WNT1: variants seen among roughly 807,000 people sequenced by gnomAD.
The protein encoded by WNT1 is proto-oncogene Wnt-1.
In WNT1, 10 loss-of-function variants were observed where a neutral mutation model predicts 21.3. That is an observed-to-expected ratio of 0.47 (90% CI 0.29 to 0.80). The LOEUF (loss-of-function observed/expected upper bound fraction) is 0.80. WNT1 is among the 30% of genes least tolerant of loss of function. WNT1 has a pLI of 0.09. For synonymous variants in WNT1, 208 were observed against 236.3 expected, an observed-to-expected ratio of 0.88 and a Z score of 1.10; for missense variants, 476 against 534.1, an observed-to-expected ratio of 0.89 and a Z score of 1.07.
chr12:48,981,300 A>ACGGCAACCGCGG lies in WNT1; in HGVS notation c.775_786dup (p.Gly259_Gly262dup), dbSNP rs1261341768. 4 of 1,587,596 alleles carry ACGGCAACCGCGG rather than the reference A, an allele frequency of 2.5e-6. No individual in the cohort carries two copies. The highest frequency in any genetic ancestry group is 1.1e-5 in the South Asian group (1 of 88,822). On this transcript the variant is annotated inframe_insertion, in exon 4 of 4. Transcript: ENST00000293549. This position sits in a 1 kb window ranked among gnomAD's most constrained non-coding sequence, Gnocchi z 7.4. ...TTCGACGGCGCCTCGCGCGTCCTGT[A>ACGGCAACCGCGG]CGGCAACCGCGGCAGCAACCGCGCT...
Position 48,980,813 on chromosome 12 carries a change from C to A in WNT1, c.624+124C>A. The A allele has an allele frequency of 7.0e-7, 1 of 1,418,576 alleles. No homozygotes were observed. The highest frequency in any genetic ancestry group is 9.3e-7 in the Non-Finnish European group (1 of 1,078,562). 87.9% of individuals were successfully genotyped at this position (1,418,576 alleles called of 1,614,324 possible). ...GAGGGCGTCCTGGGAGAGCCGGAGG[C>A]TTGGAACGAAGACGGAGAATAGAGG... On this transcript the variant is annotated intron_variant, in intron 3 of 3. Coordinates refer to ENST00000293549, the MANE Select transcript of WNT1 (RefSeq NM_005430.4). The surrounding 1 kb of genome is among the most constrained non-coding windows in gnomAD (Gnocchi z 7.0).
Position 48,979,473 on chromosome 12 carries a change from T to C in WNT1, c.110T>C (p.Ile37Thr). The C allele has an allele frequency of 6.2e-7, 1 of 1,608,980 alleles. No homozygotes were observed. Among genetic ancestry groups the C allele is most frequent in the Non-Finnish European group, 8.5e-7 (1 of 1,176,458 alleles). ...GCTATCATACGTCCCACCAGGGGTA[T>C]TGTGAACGTAGCCTCCTCCACGAAC... ...AANSSGRWWG[I>T]VNVASSTNLL... Residue 37 changes from isoleucine to threonine, a missense_variant, in exon 2 of 4, where the codon ATT becomes ACT. Ile to Thr is a moderately conservative substitution (Grantham distance 89). Coordinates refer to ENST00000293549, the MANE Select transcript of WNT1 (RefSeq NM_005430.4). This position sits in a 1 kb window ranked among gnomAD's most constrained non-coding sequence, Gnocchi z 6.0.
At position 48,978,322 on chromosome 12, in the gene WNT1, A is replaced by G. The variant is rs1048206968; in HGVS notation, c.-329A>G. 5 of 340,434 alleles carry G rather than the reference A, an allele frequency of 1.5e-5. No individual in the cohort carries two copies. Among genetic ancestry groups the G allele is most frequent in the Non-Finnish European group, 2.7e-5 (5 of 183,522 alleles). The allele number at this position is 340,434 out of a possible 1,614,324, so 21.1% of individuals were successfully genotyped here. ...CGGCCAACCCGTCAGCTCTCGGCTC[A>G]GACGGGCGGGAACCACAGCCCCGCT... On this transcript the variant is annotated 5_prime_UTR_variant, in exon 1 of 4. Coordinates refer to ENST00000293549, the MANE Select transcript of WNT1 (RefSeq NM_005430.4). The surrounding 1 kb of genome is among the most constrained non-coding windows in gnomAD (Gnocchi z 7.4).
At position 48,978,940 on chromosome 12, in the gene WNT1, C is replaced by T. The variant is rs951731869; in HGVS notation, c.104+186C>T. Among the ~76,000 whole-genome samples, 5 of 152,230 alleles carry T rather than the reference C, an allele frequency of 3.3e-5. No individual in the cohort carries two copies. Among genetic ancestry groups the T allele is most frequent in the Non-Finnish European group, 7.3e-5 (5 of 68,036 alleles). ...AGACTCCAGCTCTGTACAAGTGGGG[C>T]GAATGATCCGCCCGCGGAGGCCTAA... On this transcript the variant is annotated intron_variant, in intron 1 of 3. Coordinates refer to ENST00000293549, the MANE Select transcript of WNT1 (RefSeq NM_005430.4). This position sits in a 1 kb window ranked among gnomAD's most constrained non-coding sequence, Gnocchi z 7.4.
rs957124823 is a variant in WNT1, at chr12:48,980,060, A to C, written c.358+339A>C. On this transcript the variant is annotated intron_variant, in intron 2 of 3. Coordinates refer to ENST00000293549, the MANE Select transcript of WNT1 (RefSeq NM_005430.4). This position sits in a 1 kb window ranked among gnomAD's most constrained non-coding sequence, Gnocchi z 7.0. ...CAGGCGTGTGTCTGGCCTCTCGCCCAGCAAGGCTTGCACCGCCAAAATGGG... is the reference window on the plus strand; with the variant it reads ...CAGGCGTGTGTCTGGCCTCTCGCCCCGCAAGGCTTGCACCGCCAAAATGGG... Among the ~76,000 whole-genome samples the C allele has an allele frequency of 1.3e-5, 2 of 152,234 alleles. No individual in the cohort carries two copies. The highest frequency in any genetic ancestry group is 2.4e-5 in the African/African-American group (1 of 41,458).
At position 48,981,023 on chromosome 12, in the gene WNT1, C is replaced by T. The variant is rs968283620; in HGVS notation, c.625-129C>T. On this transcript the variant is annotated intron_variant, in intron 3 of 3. Coordinates refer to ENST00000293549, the MANE Select transcript of WNT1 (RefSeq NM_005430.4). This position sits in a 1 kb window ranked among gnomAD's most constrained non-coding sequence, Gnocchi z 7.4. ...CAGCGGAACATTTCGCGCCTCCCTT[C>T]CCCTGGGCTCAGCTAGGCCTGGGCC... The T allele has an allele frequency of 7.3e-5, 104 of 1,431,986 alleles. No homozygotes were observed. The highest frequency in any genetic ancestry group is 1.9e-4 in the Middle Eastern group (1 of 5,242). The allele number at this position is 1,431,986 out of a possible 1,614,324, so 88.7% of individuals were successfully genotyped here.
In WNT1 at chr12:48,981,911, C is replaced by G. The variant is rs190998135; in HGVS notation, c.*271C>G. Reference sequence around the variant, plus strand: ...CGGGAGACCCCTTGTTGCACTGCCCCCTGCTTGGCCAGGAGGTGAGAGAAG... The same window carrying G: ...CGGGAGACCCCTTGTTGCACTGCCCGCTGCTTGGCCAGGAGGTGAGAGAAG... On this transcript the variant is annotated 3_prime_UTR_variant, in exon 4 of 4. Transcript: ENST00000293549. The surrounding 1 kb of genome is among the most constrained non-coding windows in gnomAD (Gnocchi z 7.4). Among the ~76,000 whole-genome samples, 6 of 152,292 alleles carry G rather than the reference C, an allele frequency of 3.9e-5. No homozygotes were observed. The highest frequency in any genetic ancestry group is 3.3e-4 in the Admixed American group (5 of 15,306).
rs939762151 is a variant in WNT1, at chr12:48,980,154, T to C, written c.359-270T>C. ...CTTCCGCTCCCCTCTCTTCGGTTTGTCTCTCTGGGGCTGCTCCACTTCCGC... is the reference window on the plus strand; with the variant it reads ...CTTCCGCTCCCCTCTCTTCGGTTTGCCTCTCTGGGGCTGCTCCACTTCCGC... On this transcript the variant is annotated intron_variant, in intron 2 of 3. Transcript: ENST00000293549. This position sits in a 1 kb window ranked among gnomAD's most constrained non-coding sequence, Gnocchi z 7.0. Among the ~76,000 whole-genome samples the C allele has an allele frequency of 3.9e-5, 6 of 152,220 alleles. No individual in the cohort carries two copies. The highest frequency in any genetic ancestry group is 1.4e-4 in the African/African-American group (6 of 41,444).
In WNT1 at chr12:48,982,487, C is replaced by T. The variant is rs1941030445; in HGVS notation, c.*847C>T. 6.6e-6 allele frequency among the ~76,000 whole-genome samples: 1 copy of T among 152,212 alleles called. No homozygotes were observed. Among genetic ancestry groups the T allele is most frequent in the Non-Finnish European group, 1.5e-5 (1 of 68,036 alleles). ...CCTGCAGCCTTTTCTGGTCCCTCTT[C>T]TCTCCTCAGTTTCTCAAAGATGCGT... On this transcript the variant is annotated 3_prime_UTR_variant, in exon 4 of 4. Coordinates refer to ENST00000293549, the MANE Select transcript of WNT1 (RefSeq NM_005430.4).
Position 48,980,348 on chromosome 12 carries a change from G to A in WNT1, c.359-76G>A, listed in dbSNP as rs778591272. On this transcript the variant is annotated intron_variant, in intron 2 of 3. Coordinates refer to ENST00000293549, the MANE Select transcript of WNT1 (RefSeq NM_005430.4). The surrounding 1 kb of genome is among the most constrained non-coding windows in gnomAD (Gnocchi z 7.0). ...AGTGCGGAGTCGGGGGTGGGATTCCGGTCCCAAGCCCTTCATGAGGGTGCT... is the reference window on the plus strand; with the variant it reads ...AGTGCGGAGTCGGGGGTGGGATTCCAGTCCCAAGCCCTTCATGAGGGTGCT... 8.4e-6 allele frequency: 13 copies of A among 1,555,438 alleles called. No homozygotes were observed. The highest frequency in any genetic ancestry group is 1.1e-5 in the Non-Finnish European group (13 of 1,136,174).
Position 48,978,988 on chromosome 12 carries a change from C to A in WNT1, c.104+234C>A, listed in dbSNP as rs755651323. Among the ~76,000 whole-genome samples, 14 of 152,266 alleles carry A rather than the reference C, an allele frequency of 9.2e-5. No individual in the cohort carries two copies. Among genetic ancestry groups the A allele is most frequent in the Non-Finnish European group, 1.5e-4 (10 of 68,042 alleles). ...TAAGATACCCCAGGCAGGGAGCCCA[C>A]TCTCATCTAGCACCGCCCTTCCCCT... On this transcript the variant is annotated intron_variant, in intron 1 of 3. Transcript: ENST00000293549. This position sits in a 1 kb window ranked among gnomAD's most constrained non-coding sequence, Gnocchi z 7.4.
Position 48,979,613 on chromosome 12 carries a change from G to C in WNT1, c.250G>C (p.Gly84Arg), listed in dbSNP as rs200097796. 6.2e-7 allele frequency: 1 copy of C among 1,613,906 alleles called. No individual in the cohort carries two copies. The stretch of plus-strand genomic sequence containing the variant: ...TCCGGGGATCCTGCACAGCGTGAGT[G>C]GGGGGCTGCAGAGTGCCGTGCGCGA... ...QNPGILHSVS[G>R]GLQSAVRECK... Residue 84 changes from glycine to arginine, a missense_variant, in exon 2 of 4, where the codon GGG (glycine) becomes CGG (arginine). Transcript: ENST00000293549. This position sits in a 1 kb window ranked among gnomAD's most constrained non-coding sequence, Gnocchi z 6.0.
chr12:48,978,709 C>T lies in WNT1; in HGVS notation c.59C>T (p.Ala20Val), dbSNP rs1225250365. The T allele has an allele frequency of 6.2e-7, 1 of 1,603,750 alleles. No individual in the cohort carries two copies. Residue 20 changes from alanine to valine, a missense_variant, in exon 1 of 4, where the codon GCC becomes GTC. Transcript: ENST00000293549. The surrounding 1 kb of genome is among the most constrained non-coding windows in gnomAD (Gnocchi z 7.4). ...TCTGCTACGCTGCTGCTGGCGCTGGCCGCTCTGCCCGCAGCCCTGGCTGCC... is the reference window on the plus strand; with the variant it reads ...TCTGCTACGCTGCTGCTGGCGCTGGTCGCTCTGCCCGCAGCCCTGGCTGCC... Reference protein sequence around the residue: ...WVSATLLLALAALPAALAANS... With the variant: ...WVSATLLLALVALPAALAANS...
In WNT1 at chr12:48,980,757, G is replaced by C; in HGVS notation, c.624+68G>C. The C allele has an allele frequency of 6.8e-7, 1 of 1,472,590 alleles. No homozygotes were observed. Among genetic ancestry groups the C allele is most frequent in the Non-Finnish European group, 9.0e-7 (1 of 1,112,006 alleles). 91.2% of individuals were successfully genotyped at this position (1,472,590 alleles called of 1,614,324 possible). On this transcript the variant is annotated intron_variant, in intron 3 of 3. Transcript: ENST00000293549. This position sits in a 1 kb window ranked among gnomAD's most constrained non-coding sequence, Gnocchi z 7.0. ...GCCAACCTCGGGCTGGGGAAGTGAC[G>C]GTCGGTGAGATAAGGCAAGGGGCAC...
Position 48,979,655 on chromosome 12 carries a change from C to G in WNT1, c.292C>G (p.Arg98Gly). ...CGTGCGCGAGTGCAAGTGGCAGTTC[C>G]GGAATCGCCGCTGGAACTGTCCCAC... ...SAVRECKWQF[R>G]NRRWNCPTAP... Residue 98 changes from arginine (R) to glycine (G), a missense_variant, in exon 2 of 4, where the codon CGG (arginine) becomes GGG (glycine). Arg to Gly is a moderately radical substitution (Grantham distance 125). Transcript: ENST00000293549. The surrounding 1 kb of genome is among the most constrained non-coding windows in gnomAD (Gnocchi z 6.0). 1 of 1,613,176 alleles carries G rather than the reference C, an allele frequency of 6.2e-7. No individual in the cohort carries two copies. The highest frequency in any genetic ancestry group is 8.5e-7 in the Non-Finnish European group (1 of 1,179,488).
rs200151492 is a variant in WNT1 at position 48,981,281 on chromosome 12, G to C, written c.754G>C (p.Gly252Arg). 1,439 of 1,598,856 alleles carry C rather than the reference G, an allele frequency of 9.0e-4. 1 individual carries two copies. Among genetic ancestry groups the C allele is most frequent in the Non-Finnish European group, 1.1e-3 (1,309 of 1,173,140 alleles). The part of the protein sequence containing the change: ...VGDVLRDRFD[G>R]ASRVLYGNRG... ...CGATGTGCTGCGCGACCGCTTCGAC[G>C]GCGCCTCGCGCGTCCTGTACGGCAA... is the stretch of plus-strand genomic sequence containing the variant. Residue 252 changes from glycine (G) to arginine (R), a missense_variant, in exon 4 of 4, where the codon GGC becomes CGC. By Grantham distance (125) the Gly-to-Arg change is moderately radical. Coordinates refer to ENST00000293549, the MANE Select transcript of WNT1 (RefSeq NM_005430.4). This position sits in a 1 kb window ranked among gnomAD's most constrained non-coding sequence, Gnocchi z 7.4.
chr12:48,979,334 G>T lies in WNT1; in HGVS notation c.105-134G>T. On this transcript the variant is annotated intron_variant, in intron 1 of 3. Transcript: ENST00000293549. The surrounding 1 kb of genome is among the most constrained non-coding windows in gnomAD (Gnocchi z 6.0). ...CCAGTTCTTTCAAATTAGTGAGCCT[G>T]GGAGAGCGGGTATTATTAATCTCCC... The T allele has an allele frequency of 8.3e-7, 1 of 1,208,312 alleles. No homozygotes were observed. Among genetic ancestry groups the T allele is most frequent in the Admixed American group, 2.3e-5 (1 of 42,722 alleles). 74.8% of individuals were successfully genotyped at this position (1,208,312 alleles called of 1,614,324 possible). A position where few individuals can be genotyped will look rare whatever the true frequency, so the allele number is the denominator to read the frequency against.
At position 48,978,604 on chromosome 12, in the gene WNT1, C is replaced by A; in HGVS notation, c.-47C>A. 7.0e-7 allele frequency: 1 copy of A among 1,436,400 alleles called. No homozygotes were observed. The highest frequency in any genetic ancestry group is 9.5e-7 in the Non-Finnish European group (1 of 1,053,372). The allele number at this position is 1,436,400 out of a possible 1,614,324, so 89.0% of individuals were successfully genotyped here. ...CCGTCCCACCGTCGCGGGCAACAAC[C>A]AAAGTCGCCGCAACTGCAGCACAGA... On this transcript the variant is annotated 5_prime_UTR_variant, in exon 1 of 4. Transcript: ENST00000293549. This position sits in a 1 kb window ranked among gnomAD's most constrained non-coding sequence, Gnocchi z 7.4.
chr12:48,981,159 T>C lies in WNT1; in HGVS notation c.632T>C (p.Phe211Ser). Residue 211 changes from phenylalanine to serine, a missense_variant, in exon 4 of 4, where the codon TTC (phenylalanine) becomes TCC (serine). Physicochemically the swap from Phe to Ser is radical, Grantham distance 155. Coordinates refer to ENST00000293549, the MANE Select transcript of WNT1 (RefSeq NM_005430.4). This position sits in a 1 kb window ranked among gnomAD's most constrained non-coding sequence, Gnocchi z 7.4. ...CTTCCCCTATCCCCGCAGACCGTAT[T>C]CTCCGAGATGCGCCAGGAGTGCAAG... ...HNNEAGRTTV[F>S]SEMRQECKCH... 6.2e-7 allele frequency: 1 copy of C among 1,611,868 alleles called. No homozygotes were observed. Among genetic ancestry groups the C allele is most frequent in the Non-Finnish European group, 8.5e-7 (1 of 1,179,512 alleles).
Sources: gnomAD v4.1 joint callset for allele counts (sites outside exome capture counted in the v4.1 genomes callset) on GRCh38, gnomAD v4.1.1 for gene constraint, Gnocchi (gnomAD v3.1) non-coding constraint, MANE v1.5 for transcripts, NCBI Gene and HGNC (gene_info 2026-07-23, HGNC 2026-07-21) for gene names.